The following B3GALT1 variants were observed in gnomAD, a reference collection of about 807,000 sequenced individuals.
The protein encoded by B3GALT1 is UDP-Gal:betaGlcNAc beta 1,3-galactosyltransferase, polypeptide 1.
In B3GALT1, 10 loss-of-function variants were observed where a neutral mutation model predicts 23.2. That is an observed-to-expected ratio of 0.43 (90% CI 0.27 to 0.73). B3GALT1 has a LOEUF of 0.73. B3GALT1 is among the 30% of genes least tolerant of loss of function. The probability of loss-of-function intolerance (pLI) is 0.21; values close to 1 mark genes in which losing one functional copy is unlikely to be tolerated. For synonymous variants in B3GALT1, 156 were observed against 141.5 expected (o/e 1.10, Z -0.73); for missense variants, 299 against 405.4 (o/e 0.74, Z 2.25).
intron 1 of B3GALT1, among the ~76,000 whole-genome samples, chr2:167,412,300 A>G (rs1161572269): frequency 6.6e-6 from 1 of 152,168 alleles, no homozygotes; most frequent in Admixed American, 6.5e-5. Context: ...ACATGACATC[A>G]AGTAGTAAAA....
intron 2 of B3GALT1, among the ~76,000 whole-genome samples, chr2:167,605,528 A>G (rs574723385): frequency 6.6e-6 from 1 of 152,232 alleles, no homozygotes; most frequent in East Asian, 1.9e-4. Flanking sequence ...TGCCTGTTGT[A>G]TGTCCTGTGG....
intron 2 of B3GALT1, among the ~76,000 whole-genome samples, chr2:167,609,434 G>A (rs1173059096): frequency 6.6e-6 from 1 of 152,076 alleles, no homozygotes; most frequent in Non-Finnish European, 1.5e-5. Flanking sequence ...AGAGCATAAG[G>A]TAGGGTGGGA....
intron 1 of B3GALT1, among the ~76,000 whole-genome samples, chr2:167,437,455 G>A (rs1698807736): frequency 6.6e-6 from 1 of 152,204 alleles, no homozygotes; most frequent in African/African-American, 2.4e-5. Flanking sequence ...TCTGCAATTT[G>A]GAGGGTGGGG....
chr2:167,649,797 T>G (rs1242506376), intron 3 of B3GALT1, among the ~76,000 whole-genome samples: 1 of 152,090 alleles, frequency 6.6e-6, no homozygotes, highest in Non-Finnish European at 1.5e-5. Flanking sequence ...GTTTATTAGC[T>G]CCAATCGTTT....
At chr2:167,777,608 A>G (rs1226491786) in intron 3 of B3GALT1, among the ~76,000 whole-genome samples, 4 of 152,176 alleles carry the variant, frequency 2.6e-5, no homozygotes, top group East Asian at 1.9e-4. Context: ...TCGGCCTCCC[A>G]AAGTGCTAGG....
intron 2 of B3GALT1, among the ~76,000 whole-genome samples, chr2:167,623,543 G>C (rs1386471266): frequency 2.0e-5 from 3 of 152,002 alleles, no homozygotes; most frequent in Admixed American, 2.0e-4. Context: ...ATAAGTGGGA[G>C]TTGAACAATG....
intron 1 of B3GALT1, among the ~76,000 whole-genome samples, chr2:167,478,666 A>G (rs997021297): frequency 6.6e-6 from 1 of 151,896 alleles, no homozygotes; most frequent in Non-Finnish European, 1.5e-5. Flanking sequence ...TGCTGCACCC[A>G]TTAACTCGTC....
At chr2:167,460,973 G>A (rs145304745) in intron 1 of B3GALT1, among the ~76,000 whole-genome samples, 4 of 152,222 alleles carry the variant, frequency 2.6e-5, no homozygotes, top group African/African-American at 7.2e-5. Context: ...CCTAAAAGGG[G>A]TAAAAAGAGA....
intron 3 of B3GALT1, among the ~76,000 whole-genome samples, chr2:167,718,283 A>AC (rs1687182390): frequency 7.6e-6 from 1 of 132,282 alleles, no homozygotes; most frequent in South Asian, 2.6e-4. Flanking sequence ...TGGTTCATAA[A>AC]CAAAAAAAAA....
intron 3 of B3GALT1, among the ~76,000 whole-genome samples, chr2:167,712,613 A>C (rs1262346866): frequency 6.6e-6 from 1 of 152,056 alleles, no homozygotes; most frequent in Non-Finnish European, 1.5e-5. Flanking sequence ...TGCCTTGCTC[A>C]CTAACCCTGT....
At chr2:167,429,098 T>A (rs1698667635) in intron 1 of B3GALT1, among the ~76,000 whole-genome samples, 2 of 151,816 alleles carry the variant, frequency 1.3e-5, no homozygotes, top group Admixed American at 1.3e-4. Flanking sequence ...GCTAACACGG[T>A]GAAACCCCGT....
intron 1 of B3GALT1, among the ~76,000 whole-genome samples, chr2:167,300,400 C>T (rs1304091207): frequency 6.6e-6 from 1 of 152,020 alleles, no homozygotes; most frequent in African/African-American, 2.4e-5. Context: ...TATATACATA[C>T]AGACAATCAC....
At chr2:167,708,732 T>C (rs1687006210) in intron 3 of B3GALT1, among the ~76,000 whole-genome samples, 1 of 152,168 alleles carries the variant, frequency 6.6e-6, no homozygotes, top group Non-Finnish European at 1.5e-5. Context: ...TCCTTCTAGC[T>C]CCAGCCCCAG....
chr2:167,346,456 G>C (rs933215847), intron 1 of B3GALT1, among the ~76,000 whole-genome samples: 1 of 152,110 alleles, frequency 6.6e-6, no homozygotes, highest in Non-Finnish European at 1.5e-5. Flanking sequence ...CCAACTTGCA[G>C]AGCCATCTTT....
intron 1 of B3GALT1, among the ~76,000 whole-genome samples, chr2:167,447,445 G>T (rs1416456058): frequency 6.6e-6 from 1 of 152,208 alleles, no homozygotes; most frequent in African/African-American, 2.4e-5. Flanking sequence ...GTTCAGCTAT[G>T]CCCTGTCTGC....
At chr2:167,549,873 G>GA (rs909241247) in intron 2 of B3GALT1, among the ~76,000 whole-genome samples, 4 of 151,666 alleles carry the variant, frequency 2.6e-5, no homozygotes, top group Non-Finnish European at 4.4e-5. Context: ...TAGTTTTGAG[G>GA]AAAAAAAATA....
At chr2:167,459,691 G>T (rs916142709) in intron 1 of B3GALT1, among the ~76,000 whole-genome samples, 4 of 151,978 alleles carry the variant, frequency 2.6e-5, no homozygotes, top group African/African-American at 9.7e-5. Context: ...TACCTTTATT[G>T]AGTTTTTTAT....
chr2:167,369,446 A>G (rs1697645833), intron 1 of B3GALT1, among the ~76,000 whole-genome samples: 1 of 152,320 alleles, frequency 6.6e-6, no homozygotes, highest in East Asian at 1.9e-4. Context: ...GGAAAGGGTT[A>G]TAGTATAGAT....
intron 2 of B3GALT1, among the ~76,000 whole-genome samples, chr2:167,618,144 C>G (rs1240214205): frequency 6.6e-6 from 1 of 152,082 alleles, no homozygotes; most frequent in Non-Finnish European, 1.5e-5. Context: ...CTATGAAAAT[C>G]TCTTCCTTGA....
Sources: allele counts gnomAD v4.1 joint callset (sites outside exome capture counted in the v4.1 genomes callset), GRCh38; gene constraint gnomAD v4.1.1; transcripts MANE v1.5; gene names NCBI Gene and HGNC (gene_info 2026-07-23, HGNC 2026-07-21).